Variants in FMN1 observed in about 807,000 individuals in gnomAD.
The protein encoded by FMN1 is formin-1.
In FMN1, 110 loss-of-function variants were observed where a neutral mutation model predicts 132.4. The observed-to-expected ratio is 0.83, with a 90% CI of 0.71 to 0.97. The LOEUF (loss-of-function observed/expected upper bound fraction) is 0.97. Ranked by LOEUF, FMN1 falls within the 50% of genes least tolerant of loss-of-function variation. The pLI, the probability that FMN1 is intolerant of heterozygous loss-of-function variation, is 0.00. For synonymous variants in FMN1, 722 were observed against 651.7 expected, an observed-to-expected ratio of 1.11 and a Z score of -1.64; for missense variants, 1,792 against 1,705.3, an observed-to-expected ratio of 1.05 and a Z score of -0.90.
chr15:32,841,997 A>T (rs1367497958), intron 17 of FMN1, among the ~76,000 whole-genome samples: 1 of 152,160 alleles, frequency 6.6e-6, no homozygotes, highest in African/African-American at 2.4e-5. Context: ...TGTCTCCAAG[A>T]TGTCCATCAT....
intron 19 of FMN1, among the ~76,000 whole-genome samples, chr15:32,794,722 T>C (rs941938113): frequency 9.2e-5 from 14 of 152,220 alleles, no homozygotes; most frequent in Admixed American, 5.2e-4. Flanking sequence ...ATTCATTGAA[T>C]GTTTGGATAT....
chr15:32,999,069 T>C (rs2033943606), intron 7 of FMN1, among the ~76,000 whole-genome samples: 1 of 152,204 alleles, frequency 6.6e-6, no homozygotes, highest in African/African-American at 2.4e-5. Flanking sequence ...AATTAACATA[T>C]TTCTCAATAT....
intron 6 of FMN1, among the ~76,000 whole-genome samples, chr15:33,033,733 T>C (rs958572611): frequency 2.0e-5 from 3 of 151,978 alleles, no homozygotes; most frequent in Non-Finnish European, 4.4e-5. Flanking sequence ...TCTCCAATTA[T>C]CATTCTCTTT....
intron 4 of FMN1, among the ~76,000 whole-genome samples, chr15:33,091,379 T>A (rs540851558): frequency 2.0e-5 from 3 of 152,294 alleles, no homozygotes; most frequent in South Asian, 4.1e-4. Flanking sequence ...TCCAATTCAC[T>A]CTCTACGCAG....
At chr15:33,107,343 A>G (rs1295751533) in intron 4 of FMN1, among the ~76,000 whole-genome samples, 1 of 151,990 alleles carries the variant, frequency 6.6e-6, no homozygotes, top group Non-Finnish European at 1.5e-5. Flanking sequence ...CTCTCCACAA[A>G]GCATGCCAAC....
In FMN1 at chr15:32,905,586, G is replaced by A. The variant is rs187971057; in HGVS notation, c.3377+2904C>T. ...TCAGACAGCCTGGTCCCAAACAGAT[G>A]ACACCTCTGTGGGCAATGGCTTTCT... On this transcript the variant is annotated intron_variant, in intron 12 of 20. Transcript: ENST00000616417. 5.9e-5 allele frequency among the ~76,000 whole-genome samples: 9 copies of A among 152,310 alleles called. No individual in the cohort carries two copies. The East Asian group carries it at 1.7e-3, about 29-fold the overall frequency.
chr15:33,012,870 C>A (rs1003213169), intron 6 of FMN1: 2 of 593,890 alleles, frequency 3.4e-6, no homozygotes, highest in Non-Finnish European at 6.4e-6. Flanking sequence ...ATGATGGGAG[C>A]AACACTGGAG....
At chr15:32,998,079 G>A (rs1458453424) in intron 7 of FMN1, among the ~76,000 whole-genome samples, 2 of 152,150 alleles carry the variant, frequency 1.3e-5, no homozygotes. Context: ...TAGTAAGTGT[G>A]GGGCAGTACT....
At chr15:33,067,178 C>T in intron 5 of FMN1, 1 of 1,613,814 alleles carries the variant, frequency 6.2e-7, no homozygotes, top group Non-Finnish European at 8.5e-7. Flanking sequence ...CCCTTCTTCT[C>T]CCACCTGGTC....
intron 12 of FMN1, among the ~76,000 whole-genome samples, chr15:32,905,527 AAG>A (rs1321803186): frequency 1.3e-5 from 2 of 152,116 alleles, no homozygotes; most frequent in Admixed American, 6.5e-5. Context: ...CCGGCAGCAT[AAG>A]AGTCAACGGC....
At chr15:32,879,603 G>A (rs892099210) in intron 16 of FMN1, among the ~76,000 whole-genome samples, 2 of 152,042 alleles carry the variant, frequency 1.3e-5, no homozygotes, top group African/African-American at 4.8e-5. Context: ...CTCAGGCATC[G>A]CCTCATCTGA....
At chr15:32,919,386 T>G (rs1321778713) in intron 10 of FMN1, among the ~76,000 whole-genome samples, 2 of 152,130 alleles carry the variant, frequency 1.3e-5, no homozygotes, top group African/African-American at 2.4e-5. Context: ...CGCCAAGAAG[T>G]TGATCCCCAT....
intron 3 of FMN1, among the ~76,000 whole-genome samples, chr15:33,172,198 A>C (rs1011424399): frequency 6.7e-6 from 1 of 150,012 alleles, no homozygotes; most frequent in Non-Finnish European, 1.5e-5. Context: ...GCAGAGCGAG[A>C]CTCCGTCTCA....
chr15:32,977,107 A>C (rs1251682130), intron 7 of FMN1, among the ~76,000 whole-genome samples: 2 of 152,250 alleles, frequency 1.3e-5, no homozygotes, highest in Non-Finnish European at 2.9e-5. Context: ...ATAATAATTA[A>C]TTAGTAAAAC....
Position 32,772,361 on chromosome 15 carries a change from CA to C in FMN1, c.*1948del, listed in dbSNP as rs1301972103. ...AGACTTCTGCTGGCCCCACATAACT[CA>C]AAAGAGCTGAATTATATGGCATGGG... On this transcript the variant is annotated 3_prime_UTR_variant, in exon 21 of 21. Transcript: ENST00000616417. The C allele has an allele frequency of 1.5e-4, 23 of 152,262 alleles. No individual in the cohort carries two copies. Among genetic ancestry groups the C allele is most frequent in the Admixed American group, 1.5e-3 (23 of 15,286 alleles). 9.4% of individuals were successfully genotyped at this position (152,262 alleles called of 1,614,324 possible). A position where few individuals can be genotyped will look rare whatever the true frequency, so the allele number is the denominator to read the frequency against.
At chr15:32,799,486 G>C (rs1411819294) in intron 18 of FMN1, among the ~76,000 whole-genome samples, 1 of 152,082 alleles carries the variant, frequency 6.6e-6, no homozygotes, top group African/African-American at 2.4e-5. Context: ...TTTTCTCAAG[G>C]GTAAAATAAG....
chr15:32,972,464 G>A (rs567021053), intron 7 of FMN1, among the ~76,000 whole-genome samples: 2 of 152,078 alleles, frequency 1.3e-5, no homozygotes, highest in African/African-American at 4.8e-5. Flanking sequence ...CCATCCTATT[G>A]AAACTCCATG....
chr15:32,882,424 T>C (rs2059792906), intron 16 of FMN1, among the ~76,000 whole-genome samples: 2 of 152,222 alleles, frequency 1.3e-5, no homozygotes, highest in African/African-American at 4.8e-5. Context: ...TAAGTGCTCA[T>C]TAAATGGTAA....
chr15:33,088,609 G>A (rs929419589), intron 5 of FMN1, among the ~76,000 whole-genome samples, 190 bp downstream of exon 5: 1 of 152,188 alleles, frequency 6.6e-6, no homozygotes, highest in Non-Finnish European at 1.5e-5. Flanking sequence ...CAAGTTGCTA[G>A]TTACTTTCTA....
Sources: allele counts gnomAD v4.1 joint callset (sites outside exome capture counted in the v4.1 genomes callset), GRCh38; gene constraint gnomAD v4.1.1; transcripts MANE v1.5; gene names NCBI Gene and HGNC (gene_info 2026-07-23, HGNC 2026-07-21).